NUP210: variants seen among roughly 807,000 people sequenced by gnomAD.
NUP210 encodes the protein nucleoporin 210.
NUP210 carries 151 observed loss-of-function variants against 196.0 expected under a neutral mutation model. The observed-to-expected ratio is 0.77, with a 90% CI of 0.67 to 0.88. The LOEUF is 0.88. Ranked by LOEUF, NUP210 falls within the 40% of genes least tolerant of loss-of-function variation. NUP210 has a pLI of 0.00. For missense variants in NUP210, 2,314 were observed against 2,493.7 expected (o/e 0.93, Z 1.53); for synonymous variants, 1,070 against 1,052.7 (o/e 1.02, Z -0.32).
intron 1 of NUP210, among the ~76,000 whole-genome samples, chr3:13,406,702 T>C (rs1016406814): frequency 1.3e-5 from 2 of 152,106 alleles, no homozygotes; most frequent in African/African-American, 4.8e-5. Flanking sequence ...CCCCTGCCCA[T>C]CCAGTCTAAA....
At position 13,325,716 on chromosome 3, in the gene NUP210, T is replaced by C. The variant is rs187555213; in HGVS notation, c.4644+79A>G. The stretch of plus-strand genomic sequence containing the variant: ...GACGGCTTTTCCCTAAAAGGAAAAG[T>C]CTTCATAATCCTCCCAGAAGGTCAG... On this transcript the variant is annotated intron_variant, in intron 33 of 39. Coordinates refer to ENST00000254508, the MANE Select transcript of NUP210 (RefSeq NM_024923.4). 1,113 of 1,536,470 alleles carry C rather than the reference T, an allele frequency of 7.2e-4. 4 individuals are homozygous for C. Among genetic ancestry groups the C allele is most frequent in the African/African-American group, 5.6e-3 (409 of 73,226 alleles).
intron 28 of NUP210, among the ~76,000 whole-genome samples, chr3:13,335,213 C>A (rs1482377393): frequency 2.0e-5 from 3 of 152,218 alleles, no homozygotes; most frequent in African/African-American, 7.2e-5. Context: ...CCTTTGCCAG[C>A]CCCTCCCATC....
At chr3:13,353,513 C>T (rs375107879) in intron 18 of NUP210, 41 bp downstream of exon 18, 96 of 1,522,014 alleles carry the variant, frequency 6.3e-5, no homozygotes, top group Non-Finnish European at 7.8e-5. Context: ...AGGCTTGCCC[C>T]GCTACCCATA....
chr3:13,397,739 C>CA (rs1031312366), intron 2 of NUP210, among the ~76,000 whole-genome samples: 22 of 151,662 alleles, frequency 1.5e-4, no homozygotes, highest in East Asian at 3.9e-4. Context: ...AAGCTGTGGG[C>CA]AAAAAAAACT....
chr3:13,330,788 G>A (rs1044163569), intron 29 of NUP210, among the ~76,000 whole-genome samples, 154 bp from the exon 30 acceptor site: 1 of 152,166 alleles, frequency 6.6e-6, no homozygotes, highest in Admixed American at 6.5e-5. Flanking sequence ...ACCACGTGCC[G>A]TCAGTTGTCT....
At chr3:13,386,527 A>G in intron 5 of NUP210, 120 bp from the exon 6 acceptor site, 1 of 1,288,854 alleles carries the variant, frequency 7.8e-7, no homozygotes, top group South Asian at 1.4e-5. Flanking sequence ...GGAAAGAAAC[A>G]AGATATCATT....
chr3:13,347,584 G>GC lies in NUP210; in HGVS notation c.2836-4282dup, dbSNP rs960892659. On this transcript the variant is annotated intron_variant, in intron 20 of 39. Coordinates refer to ENST00000254508, the MANE Select transcript of NUP210 (RefSeq NM_024923.4). The surrounding 1 kb of genome is among the most constrained non-coding windows in gnomAD (Gnocchi z 4.7). The stretch of plus-strand genomic sequence containing the variant: ...ACCCCTGCTGCGTGAGCCCCAGAGA[G>GC]CCCCCCAGAGACACTCCAAAGCCAC... Among the ~76,000 whole-genome samples the GC allele has an allele frequency of 1.3e-5, 2 of 152,068 alleles. No homozygotes were observed. The highest frequency in any genetic ancestry group is 2.9e-5 in the Non-Finnish European group (2 of 68,006).
In NUP210 at chr3:13,332,384, C is replaced by T. The variant is rs1262687165; in HGVS notation, c.3844G>A (p.Val1282Met). 3.1e-6 allele frequency: 5 copies of T among 1,611,954 alleles called. No individual in the cohort carries two copies. Among genetic ancestry groups the T allele is most frequent in the Non-Finnish European group, 4.2e-6 (5 of 1,178,830 alleles). The change falls in exon 29 of 40, where the codon GTG becomes ATG. Residue 1282 changes from valine (V) to methionine (M), a missense_variant and splice_region_variant. Val to Met is a conservative substitution (Grantham distance 21). Transcript: ENST00000254508. ...TTGAGCAGCTGCAGCTTCTCAAACA[C>T]CTGCAAGAGAGGGCAAGTTTCACTT... ...RELSDEIQVQ[V>M]FEKLQLLNPE...
At chr3:13,381,899 G>T (rs570217774) in intron 6 of NUP210, among the ~76,000 whole-genome samples, 2 of 152,092 alleles carry the variant, frequency 1.3e-5, no homozygotes, top group South Asian at 4.2e-4. Flanking sequence ...GATGACCATG[G>T]AGCTCCTGCG....
At position 13,391,303 on chromosome 3, in the gene NUP210, G is replaced by A. The variant is rs2124936196; in HGVS notation, c.441C>T (p.Asn147=). ...CCAGTCCAGCCAGAGTGCTGAAGGTGTTCCCTATAAGAGCAGATGGGAGAG... is the reference window on the plus strand; with the variant it reads ...CCAGTCCAGCCAGAGTGCTGAAGGTATTCCCTATAAGAGCAGATGGGAGAG... ...LKIQALDSEG[N]TFSTLAGLVF... The change falls in exon 4 of 40, where the codon AAC becomes AAT. Residue 147 remains asparagine (N), a synonymous_variant. Coordinates refer to ENST00000254508, the MANE Select transcript of NUP210 (RefSeq NM_024923.4). The A allele has an allele frequency of 6.2e-7, 1 of 1,606,746 alleles. No individual in the cohort carries two copies. The highest frequency in any genetic ancestry group is 1.7e-4 in the Middle Eastern group (1 of 6,054).
chr3:13,403,548 C>T (rs1040418201), intron 1 of NUP210, among the ~76,000 whole-genome samples: 3 of 152,166 alleles, frequency 2.0e-5, no homozygotes, highest in East Asian at 1.9e-4. Context: ...CACAGACATT[C>T]GTTCACGTGG....
Position 13,391,224 on chromosome 3 carries a change from GGGAGTCTGAGAACCTGTCCGCCTC to G in NUP210, c.496_519del (p.Glu166_Ser173del). 6.2e-7 allele frequency: 1 copy of G among 1,611,920 alleles called. No homozygotes were observed. The highest frequency in any genetic ancestry group is 8.5e-7 in the Non-Finnish European group (1 of 1,178,888). ...GGCACCCCTTACCGCAGCGCATTGTGGGAGTCTGAGAACCTGTCCGCCTCGGAGTCCTTCACAATCGTCCACTCG... is the reference window on the plus strand; with the variant it reads ...GGCACCCCTTACCGCAGCGCATTGTGGGAGTCCTTCACAATCGTCCACTCG... On this transcript the variant is annotated inframe_deletion, in exon 4 of 40. Coordinates refer to ENST00000254508, the MANE Select transcript of NUP210 (RefSeq NM_024923.4).
chr3:13,407,897 C>T (rs745389535), intron 1 of NUP210, among the ~76,000 whole-genome samples: 2 of 152,152 alleles, frequency 1.3e-5, no homozygotes, highest in African/African-American at 4.8e-5. Context: ...TCTATCTTCA[C>T]GGAGCTTTCA....
In NUP210 at chr3:13,401,460, A is replaced by G. The variant is rs180858861; in HGVS notation, c.168-1599T>C. Among the ~76,000 whole-genome samples, 5 of 152,114 alleles carry G rather than the reference A, an allele frequency of 3.3e-5. No individual in the cohort carries two copies. The East Asian group carries it at 9.7e-4, about 29-fold the overall frequency. On this transcript the variant is annotated intron_variant, in intron 1 of 39. Coordinates refer to ENST00000254508, the MANE Select transcript of NUP210 (RefSeq NM_024923.4). ...GCCTCCAGATGGACCTTGGAAGTTC[A>G]CGGAAAATGAGCTGCATCCATCAGT...
rs1371887705 is a variant in NUP210 at position 13,350,662 on chromosome 3, G to A, written c.2835+1217C>T. ...ATCAAACAGCGAATATCAATAAAGG[G>A]GAAAAGTTACAGGAAAAAAAATAGA... is the stretch of plus-strand genomic sequence containing the variant. On this transcript the variant is annotated intron_variant, in intron 20 of 39. Coordinates refer to ENST00000254508, the MANE Select transcript of NUP210 (RefSeq NM_024923.4). The surrounding 1 kb of genome is among the most constrained non-coding windows in gnomAD (Gnocchi z 4.1). Among the ~76,000 whole-genome samples the A allele has an allele frequency of 6.6e-6, 1 of 151,302 alleles. No homozygotes were observed. Among genetic ancestry groups the A allele is most frequent in the African/African-American group, 2.4e-5 (1 of 41,280 alleles).
intron 36 of NUP210, among the ~76,000 whole-genome samples, chr3:13,320,326 C>T (rs189592752): frequency 9.7e-4 from 147 of 152,306 alleles, no homozygotes; most frequent in Non-Finnish European, 1.8e-3. Flanking sequence ...TTCTAATCAA[C>T]TGCTGCTTAC....
chr3:13,373,620 TG>T, intron 12 of NUP210, 97 bp downstream of exon 12: 1 of 1,265,856 alleles, frequency 7.9e-7, no homozygotes. Context: ...GACCCAAGGT[TG>T]GGGGTGTTTC....
rs1255373964 is a variant in NUP210 at position 13,330,549 on chromosome 3, C to T, written c.4021G>A (p.Ala1341Thr). 1.9e-6 allele frequency: 3 copies of T among 1,614,122 alleles called. No homozygotes were observed. Among genetic ancestry groups the T allele is most frequent in the Non-Finnish European group, 1.7e-6 (2 of 1,180,042 alleles). Residue 1341 changes from alanine (A) to threonine (T), a missense_variant, in exon 30 of 40, where the codon GCA becomes ACA. By Grantham distance (58) the Ala-to-Thr change is moderately conservative (BLOSUM62 0). Transcript: ENST00000254508. The stretch of plus-strand genomic sequence containing the variant: ...GATGTCCCGATCATAGACCCTGATG[C>T]TAGAAAGCCTTTCTCATCAACATGC... ...VVHVDEKGFL[A>T]SGSMIGTSTI...
chr3:13,334,075 T>A (rs953997479), intron 28 of NUP210, among the ~76,000 whole-genome samples: 2 of 152,174 alleles, frequency 1.3e-5, no homozygotes, highest in Admixed American at 6.5e-5. Context: ...CATCTTAGAT[T>A]TTTACCTGGA....
Sources: gnomAD v4.1 joint callset for allele counts (sites outside exome capture counted in the v4.1 genomes callset) on GRCh38, gnomAD v4.1.1 for gene constraint, Gnocchi (gnomAD v3.1) non-coding constraint, MANE v1.5 for transcripts, NCBI Gene and HGNC (gene_info 2026-07-23, HGNC 2026-07-21) for gene names.